Variants in YPEL2 observed in about 807,000 individuals in gnomAD.
The protein encoded by YPEL2 is yippee like 2, also known as protein yippee-like 2.
A neutral mutation model predicts 19.1 loss-of-function variants in YPEL2; 2 were observed. That is an observed-to-expected ratio of 0.10 (90% CI 0.04 to 0.33). The LOEUF is 0.33. Ranked by LOEUF, YPEL2 falls within the 10% of genes least tolerant of loss-of-function variation. The pLI is 1.00. For synonymous variants in YPEL2, 52 were observed against 50.0 expected, an observed-to-expected ratio of 1.04 and a Z score of -0.17; for missense variants, 66 against 140.7, an observed-to-expected ratio of 0.47 and a Z score of 2.68.
At chr17:59,381,411 T>C (rs2047948640) in intron 2 of YPEL2, among the ~76,000 whole-genome samples, 1 of 152,208 alleles carries the variant, frequency 6.6e-6, no homozygotes, top group Non-Finnish European at 1.5e-5. Context: ...TCTGCTCCTC[T>C]GCTAGACCCT....
intron 4 of YPEL2, among the ~76,000 whole-genome samples, chr17:59,392,506 C>CTTT (rs1567762075): frequency 7.9e-6 from 1 of 126,822 alleles, no homozygotes; most frequent in African/African-American, 3.3e-5. Context: ...GCTCAGGGCA[C>CTTT]GTTTTTTTTT....
At chr17:59,358,997 C>T (rs2147942736) in intron 2 of YPEL2, among the ~76,000 whole-genome samples, 1 of 144,808 alleles carries the variant, frequency 6.9e-6, no homozygotes, top group South Asian at 2.2e-4. Context: ...GATCTCAGCT[C>T]ACTGCAACCT....
chr17:59,358,643 CTTG>C (rs1245677098), intron 2 of YPEL2, among the ~76,000 whole-genome samples: 4 of 151,430 alleles, frequency 2.6e-5, no homozygotes, highest in African/African-American at 7.3e-5. Context: ...GGGTTTCATT[CTTG>C]TTGTCCAGGC....
chr17:59,343,850 G>GT, intron 1 of YPEL2, among the ~76,000 whole-genome samples: 1 of 152,164 alleles, frequency 6.6e-6, no homozygotes, highest in Non-Finnish European at 1.5e-5. Context: ...GGCTGGAGAG[G>GT]TAAGAGCTGA....
rs2048046254 is a variant in YPEL2, at chr17:59,397,518, G to A, written c.*328G>A. On this transcript the variant is annotated 3_prime_UTR_variant, in exon 5 of 5. Transcript: ENST00000312655. The stretch of plus-strand genomic sequence containing the variant: ...GGGCCCCAGGGCCCATGCGAGAGCT[G>A]CCTGATGGCCTCTTGTCAGGAGAGC... 1 of 192,694 alleles carries A rather than the reference G, an allele frequency of 5.2e-6. No individual in the cohort carries two copies. The highest frequency in any genetic ancestry group is 1.1e-5 in the Non-Finnish European group (1 of 95,060). 11.9% of individuals were successfully genotyped at this position (192,694 alleles called of 1,614,324 possible).
intron 1 of YPEL2, among the ~76,000 whole-genome samples, chr17:59,345,461 A>G (rs1224759766): frequency 1.3e-5 from 2 of 152,146 alleles, no homozygotes; most frequent in Non-Finnish European, 2.9e-5. Context: ...GGCAGCTTTA[A>G]TAGACGATTT....
intron 2 of YPEL2, among the ~76,000 whole-genome samples, chr17:59,380,272 C>CTTTT (rs548409762): frequency 2.2e-4 from 23 of 106,424 alleles, no homozygotes; most frequent in Non-Finnish European, 3.2e-4. Flanking sequence ...TATCTAACTT[C>CTTTT]TTTTTTTTTT....
chr17:59,395,722 C>T (rs1406268840), intron 4 of YPEL2, among the ~76,000 whole-genome samples: 3 of 152,162 alleles, frequency 2.0e-5, no homozygotes, highest in Non-Finnish European at 4.4e-5. Flanking sequence ...GGAGACCTGT[C>T]TGGCCTCACG....
intron 2 of YPEL2, among the ~76,000 whole-genome samples, chr17:59,358,926 CT>C (rs35109375): frequency 0.46 from 52,945 of 114,826 alleles, 10,733 homozygotes; most frequent in Middle Eastern, 0.54. Context: ...TTTCCTTTTT[CT>C]TTTTTTTTTT....
chr17:59,376,385 A>G (rs2047920896), intron 2 of YPEL2, among the ~76,000 whole-genome samples: 1 of 152,040 alleles, frequency 6.6e-6, no homozygotes, highest in African/African-American at 2.4e-5. Context: ...CATCCGGCTA[A>G]TTTTTGTATT....
chr17:59,340,961 C>T (rs1038663888), intron 1 of YPEL2, among the ~76,000 whole-genome samples: 12 of 149,936 alleles, frequency 8.0e-5, no homozygotes, highest in African/African-American at 9.8e-5. Context: ...GCTATCTGCC[C>T]GCCTCAGCAT....
intron 2 of YPEL2, among the ~76,000 whole-genome samples, chr17:59,361,780 A>T (rs1398502368): frequency 6.6e-6 from 1 of 152,210 alleles, no homozygotes; most frequent in Non-Finnish European, 1.5e-5. Context: ...ACACACACAC[A>T]ACCAAACTTT....
At chr17:59,344,631 G>A (rs538592008) in intron 1 of YPEL2, among the ~76,000 whole-genome samples, 4 of 152,204 alleles carry the variant, frequency 2.6e-5, no homozygotes, top group East Asian at 1.9e-4. Flanking sequence ...GGTGGTACAC[G>A]CCTGTAATCC....
chr17:59,361,774 A>G (rs752615422), intron 2 of YPEL2, among the ~76,000 whole-genome samples: 5 of 152,198 alleles, frequency 3.3e-5, no homozygotes, highest in Non-Finnish European at 5.9e-5. Context: ...AAAAAAACAC[A>G]CACACAACCA....
At chr17:59,381,435 A>G (rs1455498472) in intron 2 of YPEL2, among the ~76,000 whole-genome samples, 1 of 152,186 alleles carries the variant, frequency 6.6e-6, no homozygotes, top group Non-Finnish European at 1.5e-5. Context: ...TTTAGGGAGA[A>G]GTCTGTTCAA....
intron 1 of YPEL2, among the ~76,000 whole-genome samples, chr17:59,334,686 T>G (rs2047690563): frequency 6.6e-6 from 1 of 152,144 alleles, no homozygotes; most frequent in Non-Finnish European, 1.5e-5. Context: ...TTTATTTGAA[T>G]TAATGAAAGC....
At chr17:59,382,385 G>A (rs201727561) in intron 2 of YPEL2, among the ~76,000 whole-genome samples, 14 of 35,692 alleles carry the variant, frequency 3.9e-4, no homozygotes, top group Non-Finnish European at 7.5e-4. Flanking sequence ...CCTCCACCCC[G>A]CCTCTCTCTA....
chr17:59,346,675 C>A (rs990712727), intron 1 of YPEL2, among the ~76,000 whole-genome samples: 4 of 152,014 alleles, frequency 2.6e-5, no homozygotes, highest in Admixed American at 1.3e-4. Flanking sequence ...TCATGGGGTA[C>A]AAAGATGACT....
chr17:59,335,426 A>G (rs575625027), intron 1 of YPEL2, among the ~76,000 whole-genome samples: 14 of 151,306 alleles, frequency 9.3e-5, no homozygotes, highest in African/African-American at 2.9e-4. Context: ...CCAATCCCCA[A>G]CCTGTCCACT....
Sources: gnomAD v4.1 joint callset for allele counts (sites outside exome capture counted in the v4.1 genomes callset) on GRCh38, gnomAD v4.1.1 for gene constraint, MANE v1.5 for transcripts, NCBI Gene and HGNC (gene_info 2026-07-23, HGNC 2026-07-21) for gene names.